Variants in TTC5 observed in about 807,000 individuals in gnomAD.
The protein encoded by TTC5 is tetratricopeptide repeat protein 5.
A neutral mutation model predicts 57.4 loss-of-function variants in TTC5; 46 were observed. The ratio of observed to expected loss-of-function variants is 0.80; its 90% CI spans 0.63 to 1.03. The LOEUF is 1.03. Among genes scored for constraint, TTC5 ranks in the 50% least tolerant of loss-of-function variants. TTC5 has a pLI of 0.00. For synonymous variants in TTC5, 190 were observed against 203.5 expected, an observed-to-expected ratio of 0.93 and a Z score of 0.57; for missense variants, 504 against 528.1, an observed-to-expected ratio of 0.95 and a Z score of 0.45.
At position 20,288,391 on chromosome 14, in the gene TTC5, G is replaced by A. The variant is rs72671237; in HGVS notation, c.*1236C>T. Reference sequence around the variant, plus strand: ...CACTAGAAGACTTCTCAATTCATCTGTATACATTAATGTATTACAGCCATT... The same window carrying A: ...CACTAGAAGACTTCTCAATTCATCTATATACATTAATGTATTACAGCCATT... On this transcript the variant is annotated 3_prime_UTR_variant, in exon 10 of 10. Coordinates refer to ENST00000258821, the MANE Select transcript of TTC5 (RefSeq NM_138376.3). 0.096 allele frequency: 14,559 copies of A among 152,310 alleles called. 898 individuals are homozygous for A. Among genetic ancestry groups the A allele is most frequent in the East Asian group, 0.17 (890 of 5,170 alleles). 9.4% of individuals were successfully genotyped at this position (152,310 alleles called of 1,614,324 possible).
At chr14:20,295,601 C>A in intron 7 of TTC5, 75 bp from the exon 8 acceptor site, 1 of 1,555,704 alleles carries the variant, frequency 6.4e-7, no homozygotes. Flanking sequence ...TCCCTCCCAC[C>A]CACTTCTATA....
intron 8 of TTC5, chr14:20,292,512 T>G (rs565218606): frequency 6.5e-6 from 1 of 153,428 alleles, no homozygotes; most frequent in South Asian, 2.1e-4. Context: ...GTCTATCAAT[T>G]TAACTATCAT....
intron 1 of TTC5, among the ~76,000 whole-genome samples, chr14:20,303,786 C>T (rs1045426756): frequency 1.3e-5 from 2 of 152,186 alleles, no homozygotes; most frequent in African/African-American, 4.8e-5. Flanking sequence ...CCCATCCTGA[C>T]ACAAACTTCA....
In TTC5 at chr14:20,296,399, G is replaced by A; in HGVS notation, c.687C>T (p.Asn229=). 6.2e-7 allele frequency: 1 copy of A among 1,612,924 alleles called. No homozygotes were observed. The highest frequency in any genetic ancestry group is 2.2e-5 in the East Asian group (1 of 44,872). ...ACCCCAAAGGTCTTACCGTCGCCCTGTTCAGATGAAGGTCAGGATTGCTAG... is the reference window on the plus strand; with the variant it reads ...ACCCCAAAGGTCTTACCGTCGCCCTATTCAGATGAAGGTCAGGATTGCTAG... ...KASSNPDLHL[N]RATLHKYEES... The change falls in exon 6 of 10, where the codon AAC becomes AAT. Residue 229 remains asparagine, a synonymous_variant. Coordinates refer to ENST00000258821, the MANE Select transcript of TTC5 (RefSeq NM_138376.3).
At chr14:20,295,249 G>GAACA (rs1882034717) in intron 8 of TTC5, 63 bp downstream of exon 8, 1 of 1,482,204 alleles carries the variant, frequency 6.7e-7, no homozygotes, top group Admixed American at 1.7e-5. Context: ...GCCAGGGAAA[G>GAACA]AACAGGAAGT....
At chr14:20,293,997 T>C (rs1044020753) in intron 8 of TTC5, 1 of 152,110 alleles carries the variant, frequency 6.6e-6, no homozygotes, top group Non-Finnish European at 1.5e-5. Context: ...AAGCCTTGGG[T>C]TTATATGACA....
In TTC5 at chr14:20,289,461, G is replaced by A; in HGVS notation, c.*166C>T. 1.3e-6 allele frequency: 1 copy of A among 765,046 alleles called. No individual in the cohort carries two copies. The highest frequency in any genetic ancestry group is 3.0e-5 in the Admixed American group (1 of 33,334). The allele number at this position is 765,046 out of a possible 1,614,324, so 47.4% of individuals were successfully genotyped here. ...CTGTAGAGAGCTGGAACATGATGAG[G>A]ACAGAGGAGAGAGAAGAGATACGAA... On this transcript the variant is annotated 3_prime_UTR_variant, in exon 10 of 10. Transcript: ENST00000258821.
At chr14:20,297,256 T>G (rs1882084632) in intron 5 of TTC5, among the ~76,000 whole-genome samples, 1 of 152,142 alleles carries the variant, frequency 6.6e-6, no homozygotes, top group Non-Finnish European at 1.5e-5. Flanking sequence ...GGAAAAGAAT[T>G]TTTTTTAAAC....
At chr14:20,298,926 C>T (rs1882123272) in intron 4 of TTC5, 38 bp from the exon 5 acceptor site, 1 of 1,453,608 alleles carries the variant, frequency 6.9e-7, no homozygotes, top group African/African-American at 1.4e-5. Flanking sequence ...TCTCAGAGTC[C>T]AAGTTCAAGA....
intron 9 of TTC5, among the ~76,000 whole-genome samples, chr14:20,290,718 T>C (rs1400806428): frequency 2.0e-5 from 3 of 152,224 alleles, no homozygotes; most frequent in Non-Finnish European, 4.4e-5. Context: ...TAATCATAGA[T>C]ACAAGCAAAG....
At chr14:20,291,269 G>A (rs1213040943) in intron 9 of TTC5, among the ~76,000 whole-genome samples, 1 of 152,042 alleles carries the variant, frequency 6.6e-6, no homozygotes, top group East Asian at 1.9e-4. Context: ...TATAGCCCAG[G>A]CTGGTCTTAA....
At chr14:20,302,104 C>T (rs1882205603) in intron 1 of TTC5, 139 bp from the exon 2 acceptor site, 1 of 931,638 alleles carries the variant, frequency 1.1e-6, no homozygotes, top group Admixed American at 2.4e-5. Context: ...GGCAGGTGGA[C>T]AGGTTTACTA....
At position 20,296,812 on chromosome 14, in the gene TTC5, A is replaced by C. The variant is rs529409566; in HGVS notation, c.640-366T>G. 1.2e-4 allele frequency among the ~76,000 whole-genome samples: 19 copies of C among 152,296 alleles called. No homozygotes were observed. The South Asian group carries it at 2.3e-3, about 18-fold the overall frequency. ...CAGATCACCTGAGGTCAGGAGCTCA[A>C]GACCAGACTGGCCAACCTGGTGAAA... On this transcript the variant is annotated intron_variant, in intron 5 of 9. Transcript: ENST00000258821.
chr14:20,301,855 T>C lies in TTC5; in HGVS notation c.162A>G (p.Leu54=). 1.2e-6 allele frequency: 2 copies of C among 1,614,086 alleles called. No homozygotes were observed. The highest frequency in any genetic ancestry group is 8.5e-7 in the Non-Finnish European group (1 of 1,179,990). ...QDVQKEMEKT[L]QQMEEVVGSV... ...TACCCACTACTTCTTCCATCTGCTG[T>C]AGGGTTTTCTCCATCTCCTTCTGCA... Residue 54 remains leucine (L), a synonymous_variant, in exon 2 of 10, where the codon CTA becomes CTG. Coordinates refer to ENST00000258821, the MANE Select transcript of TTC5 (RefSeq NM_138376.3).
rs1555311668 is a variant in TTC5 at position 20,300,143 on chromosome 14, G to GTATATATATATA, written c.396+452_396+463dup. 3.9e-3 allele frequency among the ~76,000 whole-genome samples: 105 copies of GTATATATATATA among 27,132 alleles called. 5 individuals carry two copies. The highest frequency in any genetic ancestry group is 5.6e-3 in the African/African-American group (52 of 9,206). The allele number at this position is 27,132 out of a possible 152,430, so 17.8% of individuals were successfully genotyped here. ...GCATGAGTCACCACGTCTGGTCCAT[G>GTATATATATATA]TATATATATATATTTTTTTTTTTTT... On this transcript the variant is annotated intron_variant, in intron 3 of 9. Coordinates refer to ENST00000258821, the MANE Select transcript of TTC5 (RefSeq NM_138376.3).
chr14:20,290,664 C>A (rs1594261530), intron 9 of TTC5, among the ~76,000 whole-genome samples: 1 of 152,148 alleles, frequency 6.6e-6, no homozygotes, highest in South Asian at 2.1e-4. Flanking sequence ...ATTCTGCATA[C>A]CCTTTGGACC....
At chr14:20,293,684 T>C (rs544028011) in intron 8 of TTC5, 1 of 151,454 alleles carries the variant, frequency 6.6e-6, no homozygotes, top group East Asian at 1.9e-4. Context: ...GATAAGGGGG[T>C]GAATTAAGGT....
chr14:20,298,649 G>T, intron 5 of TTC5, 148 bp downstream of exon 5: 1 of 599,988 alleles, frequency 1.7e-6, no homozygotes, highest in South Asian at 2.1e-5. Flanking sequence ...CATCTCTGCA[G>T]ACACATCTTT....
At chr14:20,298,487 C>G (rs1882111232) in intron 5 of TTC5, among the ~76,000 whole-genome samples, 1 of 152,100 alleles carries the variant, frequency 6.6e-6, no homozygotes, top group African/African-American at 2.4e-5. Flanking sequence ...TTTTAATAGA[C>G]TTTTTTCCCA....
Sources: allele counts gnomAD v4.1 joint callset (sites outside exome capture counted in the v4.1 genomes callset), GRCh38; gene constraint gnomAD v4.1.1; transcripts MANE v1.5; gene names NCBI Gene and HGNC (gene_info 2026-07-23, HGNC 2026-07-21).